The following ATP2B3 variants were observed in gnomAD, a reference collection of about 807,000 sequenced individuals.
ATP2B3 encodes ATPase plasma membrane Ca2+ transporting 3.
In ATP2B3, 12 loss-of-function variants were observed where a neutral mutation model predicts 70.8. The observed-to-expected ratio is 0.17, with a 90% CI of 0.11 to 0.27. The LOEUF (loss-of-function observed/expected upper bound fraction) is 0.27, where lower values mean the gene tolerates loss of function less well. ATP2B3 is among the 10% of genes least tolerant of loss of function. ATP2B3 has a pLI of 1.00. For missense variants in ATP2B3, 858 were observed against 1,118.5 expected (o/e 0.77, Z 3.32); for synonymous variants, 460 against 497.8 (o/e 0.92, Z 1.01).
rs1557004154 is a variant in ATP2B3 at position 153,536,410 on chromosome X, G to A, written c.163G>A (p.Asp55Asn). The A allele has an allele frequency of 8.3e-7, 1 of 1,204,487 alleles. No individual in the cohort carries two copies. The highest frequency in any genetic ancestry group is 2.2e-5 in the Admixed American group (1 of 45,199). ...ALQKIEEAYGDVSGLCRRLKT... is the reference protein window; with the variant it reads ...ALQKIEEAYGNVSGLCRRLKT... ...GCAGAAGATCGAGGAGGCCTACGGG[G>A]ATGTCAGCGGGCTCTGCCGGAGGCT... The change falls in exon 3 of 22, where the codon GAT becomes AAT. Residue 55 changes from aspartate to asparagine, a missense_variant. Coordinates refer to ENST00000263519, the MANE Select transcript of ATP2B3 (RefSeq NM_001001344.3).
intron 12 of ATP2B3, among the ~76,000 whole-genome samples, chrX:153,551,742 T>C (rs993621641): frequency 8.9e-6 from 1 of 112,062 alleles, no homozygotes; most frequent in Admixed American, 9.4e-5. Context: ...GTGCGTGAAT[T>C]ATATCCCAAT....
intron 17 of ATP2B3, among the ~76,000 whole-genome samples, chrX:153,558,928 C>G (rs1397404136): frequency 9.0e-6 from 1 of 111,550 alleles, no homozygotes; most frequent in Non-Finnish European, 1.9e-5. Flanking sequence ...AACCCTTTCT[C>G]AACAGTCCCA....
chrX:153,559,899 C>G lies in ATP2B3; in HGVS notation c.2796C>G (p.His932Gln). 2 of 1,211,805 alleles carry G rather than the reference C, an allele frequency of 1.7e-6. No individual in the cohort carries two copies. The highest frequency in any genetic ancestry group is 2.2e-6 in the Non-Finnish European group (2 of 895,357). The change falls in exon 18 of 22, where the codon CAC becomes CAG. Residue 932 changes from histidine to glutamine, a missense_variant. His to Gln is a conservative substitution (Grantham distance 24). Coordinates refer to ENST00000263519, the MANE Select transcript of ATP2B3 (RefSeq NM_001001344.3). Reference protein sequence around the residue: ...SRTMMKNILGHAVYQLAIIFT... With the variant: ...SRTMMKNILGQAVYQLAIIFT... ...CCATGATGAAGAACATTCTGGGCCA[C>G]GCCGTGTACCAGCTCGCCATCATCT...
At position 153,581,637 on chromosome X, in the gene ATP2B3, A is replaced by T. The variant is rs1380353897; in HGVS notation, c.*1339A>T. 8.9e-6 allele frequency: 1 copy of T among 112,770 alleles called. No homozygotes were observed. The highest frequency in any genetic ancestry group is 1.9e-5 in the Non-Finnish European group (1 of 53,288). 9.3% of individuals were successfully genotyped at this position (112,770 alleles called of 1,213,427 possible). On this transcript the variant is annotated 3_prime_UTR_variant, in exon 22 of 22. Transcript: ENST00000263519. The stretch of plus-strand genomic sequence containing the variant: ...CGGCAGGGACGCAGCCACAGTTCAG[A>T]CCCTGTCCCCTCAGCACCTGGATGG...
At chrX:153,540,608 C>T (rs782161014) in intron 3 of ATP2B3, among the ~76,000 whole-genome samples, 1 of 112,732 alleles carries the variant, frequency 8.9e-6, no homozygotes, top group Non-Finnish European at 1.9e-5. Context: ...CCCAATCCCT[C>T]GGGCCCTGCC....
chrX:153,550,557 G>A (rs1006686499), intron 12 of ATP2B3, among the ~76,000 whole-genome samples: 1 of 111,991 alleles, frequency 8.9e-6, no homozygotes, highest in Non-Finnish European at 1.9e-5. Flanking sequence ...GGATTTGCCT[G>A]TCTGGACATT....
intron 21 of ATP2B3, among the ~76,000 whole-genome samples, chrX:153,578,859 A>G (rs113174671): frequency 0.011 from 1,230 of 112,331 alleles, 11 homozygotes; most frequent in African/African-American, 0.035. Flanking sequence ...AGGTCAGAAG[A>G]GCAGGGGCAC....
chrX:153,559,813 C>T lies in ATP2B3; in HGVS notation c.2710C>T (p.Pro904Ser). ...FASLALATEP[P>S]TESLLLRKPY... ...CTCTCTGGCCCTGGCGACGGAGCCA[C>T]CCACAGAGTCGCTGCTGCTGCGGAA... Residue 904 changes from proline to serine, a missense_variant, in exon 18 of 22, where the codon CCC becomes TCC. By Grantham distance (74) the Pro-to-Ser change is moderately conservative (BLOSUM62 -1). Transcript: ENST00000263519. 8.2e-7 allele frequency: 1 copy of T among 1,212,132 alleles called. No individual in the cohort carries two copies. The highest frequency in any genetic ancestry group is 1.1e-6 in the Non-Finnish European group (1 of 895,549).
chrX:153,563,646 C>A (rs1399554331), intron 20 of ATP2B3, among the ~76,000 whole-genome samples: 1 of 111,966 alleles, frequency 8.9e-6, no homozygotes, highest in African/African-American at 3.3e-5. Context: ...AGTCCCTTCA[C>A]TTCCCGAAAC....
At chrX:153,523,107 C>T (rs1409739264) in intron 2 of ATP2B3, among the ~76,000 whole-genome samples, 4 of 111,801 alleles carry the variant, frequency 3.6e-5, no homozygotes, top group African/African-American at 1.3e-4. Flanking sequence ...TTCACATAAG[C>T]ATTTTCTTTA....
At position 153,517,708 on chromosome X, in the gene ATP2B3, G is replaced by T. The variant is rs2089897757; in HGVS notation, c.-414G>T. The T allele has an allele frequency of 9.1e-6, 1 of 109,559 alleles. No individual in the cohort carries two copies. Among genetic ancestry groups the T allele is most frequent in the African/African-American group, 3.3e-5 (1 of 30,325 alleles). 9.0% of individuals were successfully genotyped at this position (109,559 alleles called of 1,213,427 possible). The stretch of plus-strand genomic sequence containing the variant: ...CGGTGCAGAGCGTGGGGAGCACTCG[G>T]CCGCAGCCCTCGCCCGCCGCAGAGG... On this transcript the variant is annotated 5_prime_UTR_variant, in exon 1 of 22. Coordinates refer to ENST00000263519, the MANE Select transcript of ATP2B3 (RefSeq NM_001001344.3).
intron 2 of ATP2B3, among the ~76,000 whole-genome samples, chrX:153,532,628 G>A (rs2090134209): frequency 8.9e-6 from 1 of 112,374 alleles, no homozygotes; most frequent in South Asian, 3.7e-4. Flanking sequence ...TGCGGGGATG[G>A]TGCAAATGCC....
chrX:153,560,068 C>T, intron 18 of ATP2B3, 126 bp downstream of exon 18: 2 of 715,318 alleles, frequency 2.8e-6, no homozygotes, highest in Non-Finnish European at 4.1e-6. Flanking sequence ...GCTGCACTTC[C>T]TGACTGGACA....
chrX:153,548,579 C>A, intron 9 of ATP2B3, 61 bp from the exon 10 acceptor site: 1 of 1,029,372 alleles, frequency 9.7e-7, no homozygotes, highest in Non-Finnish European at 1.4e-6. Context: ...TTCCCTCTTC[C>A]TGTCCCCCTC....
intron 21 of ATP2B3, chrX:153,569,141 A>G (rs782029987): frequency 1.2e-5 from 4 of 347,265 alleles, no homozygotes; most frequent in Non-Finnish European, 2.2e-5. Context: ...CAGATGAGCC[A>G]CAGAAGCTGG....
Position 153,541,350 on chromosome X carries a change from A to G in ATP2B3, c.209-9A>G, listed in dbSNP as rs1557006130. 3 of 1,210,329 alleles carry G rather than the reference A, an allele frequency of 2.5e-6. No homozygotes were observed. Among genetic ancestry groups the G allele is most frequent in the Non-Finnish European group, 3.4e-6 (3 of 895,221 alleles). On this transcript the variant is annotated splice_polypyrimidine_tract_variant and intron_variant, in intron 3 of 21. Transcript: ENST00000263519. The stretch of plus-strand genomic sequence containing the variant: ...TCCTCCCCTTCTGTGCTTCCGGGGC[A>G]CCATGCAGGCCTGGCGGACAACACC...
intron 6 of ATP2B3, among the ~76,000 whole-genome samples, chrX:153,542,807 G>A (rs960572149): frequency 2.6e-5 from 3 of 113,219 alleles, no homozygotes; most frequent in Non-Finnish European, 3.7e-5. Flanking sequence ...AGCATAGTCC[G>A]GTGTTTATCC....
At chrX:153,552,173 G>A (rs370660013) in intron 12 of ATP2B3, among the ~76,000 whole-genome samples, 1 of 112,356 alleles carries the variant, frequency 8.9e-6, no homozygotes, top group Non-Finnish European at 1.9e-5. Context: ...GAGGCACTGC[G>A]GACAAAAGGC....
chrX:153,557,085 A>G, intron 16 of ATP2B3, 62 bp downstream of exon 16: 1 of 1,054,238 alleles, frequency 9.5e-7, no homozygotes, highest in East Asian at 3.3e-5. Flanking sequence ...TGTCCCATGG[A>G]CATTAGCTTT....
Sources: allele counts gnomAD v4.1 joint callset (sites outside exome capture counted in the v4.1 genomes callset), GRCh38; gene constraint gnomAD v4.1.1; transcripts MANE v1.5; gene names NCBI Gene and HGNC (gene_info 2026-07-23, HGNC 2026-07-21).